The following ABLIM1 variants were observed in gnomAD, a reference collection of about 807,000 sequenced individuals.
ABLIM1 encodes actin-binding LIM protein 1.
In ABLIM1, 40 loss-of-function variants were observed where a neutral mutation model predicts 107.0. The ratio of observed to expected loss-of-function variants is 0.37; its 90% CI spans 0.29 to 0.49. ABLIM1 has a LOEUF of 0.49. Ranked by LOEUF, ABLIM1 falls within the 20% of genes least tolerant of loss-of-function variation. The pLI is 0.97. For missense variants in ABLIM1, 857 were observed against 1,008.5 expected (o/e 0.85, Z 2.04); for synonymous variants, 357 against 357.3 (o/e 1.00, Z 0.01).
At chr10:114,450,211 T>TAAA (rs397759195) in intron 14 of ABLIM1, 100 of 142,470 alleles carry the variant, frequency 7.0e-4, no homozygotes, top group South Asian at 2.7e-3. Context: ...CAATAAACCA[T>TAAA]AAAAAAAAAA....
chr10:114,512,917 A>C (rs1334867093), intron 6 of ABLIM1, among the ~76,000 whole-genome samples: 1 of 147,408 alleles, frequency 6.8e-6, no homozygotes, highest in Non-Finnish European at 1.5e-5. Context: ...GGAAAGAAAG[A>C]GAGAAAGAAA....
chr10:114,474,094 C>A, intron 8 of ABLIM1, 138 bp from the exon 9 acceptor site: 3 of 633,552 alleles, frequency 4.7e-6, no homozygotes, highest in South Asian at 2.2e-5. Context: ...AGGTAAAATA[C>A]AACCTAGAAG....
intron 1 of ABLIM1, among the ~76,000 whole-genome samples, chr10:114,729,044 AT>A (rs1032378038): frequency 4.6e-5 from 7 of 152,082 alleles, no homozygotes; most frequent in Admixed American, 2.0e-4. Context: ...CAACAGTAAC[AT>A]TTACTCTGCG....
At chr10:114,717,998 GGA>G (rs1477596713) in intron 1 of ABLIM1, among the ~76,000 whole-genome samples, 6 of 116,858 alleles carry the variant, frequency 5.1e-5, no homozygotes, top group Non-Finnish European at 8.7e-5. Context: ...AAGAAAGGAA[GGA>G]AGGAAGGAAG....
intron 1 of ABLIM1, chr10:114,684,219 T>C: frequency 6.7e-7 from 1 of 1,486,850 alleles, no homozygotes; most frequent in Middle Eastern, 1.8e-4. Flanking sequence ...CCCTGCATCT[T>C]TCCTCATCTT....
intron 4 of ABLIM1, among the ~76,000 whole-genome samples, chr10:114,560,914 G>T (rs1166240544): frequency 6.6e-6 from 1 of 152,176 alleles, no homozygotes; most frequent in Non-Finnish European, 1.5e-5. Flanking sequence ...ATGGGTACAG[G>T]AATTTTCTTT....
At chr10:114,751,192 A>G (rs557340568) in intron 1 of ABLIM1, among the ~76,000 whole-genome samples, 1 of 152,288 alleles carries the variant, frequency 6.6e-6, no homozygotes, top group South Asian at 2.1e-4. Flanking sequence ...TGTACCAGAA[A>G]CGTTAGGAGG....
intron 2 of ABLIM1, among the ~76,000 whole-genome samples, chr10:114,585,066 C>T (rs939448972): frequency 6.6e-6 from 1 of 151,888 alleles, no homozygotes; most frequent in South Asian, 2.1e-4. Context: ...AAGTCTTCTA[C>T]CATTGCACAG....
At chr10:114,761,438 G>T (rs543692766) in intron 1 of ABLIM1, among the ~76,000 whole-genome samples, 1 of 152,198 alleles carries the variant, frequency 6.6e-6, no homozygotes, top group East Asian at 1.9e-4. Context: ...CCAGGCTCTC[G>T]GCTCAGTCTG....
intron 6 of ABLIM1, among the ~76,000 whole-genome samples, chr10:114,503,001 T>C (rs1336899701): frequency 6.6e-6 from 1 of 152,220 alleles, no homozygotes; most frequent in African/African-American, 2.4e-5. Flanking sequence ...TTTCCATCAA[T>C]AGAAGCAAAT....
At chr10:114,751,590 A>G (rs1044389622) in intron 1 of ABLIM1, among the ~76,000 whole-genome samples, 9 of 151,982 alleles carry the variant, frequency 5.9e-5, no homozygotes, top group Admixed American at 2.0e-4. Flanking sequence ...TCTCTACTAA[A>G]AATACAAAAA....
intron 4 of ABLIM1, among the ~76,000 whole-genome samples, chr10:114,549,717 C>T (rs561015651): frequency 2.4e-4 from 36 of 152,222 alleles, no homozygotes; most frequent in Non-Finnish European, 3.8e-4. Context: ...CTATATGGAC[C>T]ATCAGTGAAG....
chr10:114,611,788 C>T (rs2076826546), intron 1 of ABLIM1, among the ~76,000 whole-genome samples: 1 of 152,152 alleles, frequency 6.6e-6, no homozygotes, highest in African/African-American at 2.4e-5. Context: ...TGGCTTGGTG[C>T]CTTTTCCTCC....
chr10:114,447,361 C>T (rs567406939), intron 15 of ABLIM1, among the ~76,000 whole-genome samples: 1 of 152,234 alleles, frequency 6.6e-6, no homozygotes, highest in South Asian at 2.1e-4. Context: ...TCTGCAATAG[C>T]CCTTTTGCAT....
chr10:114,521,284 C>G (rs1027679669), intron 6 of ABLIM1, among the ~76,000 whole-genome samples: 1 of 152,218 alleles, frequency 6.6e-6, no homozygotes, highest in Non-Finnish European at 1.5e-5. Context: ...CATCTGTACG[C>G]CTTTCGGCAA....
At chr10:114,482,628 C>T (rs1310419112) in intron 8 of ABLIM1, among the ~76,000 whole-genome samples, 1 of 152,190 alleles carries the variant, frequency 6.6e-6, no homozygotes, top group Non-Finnish European at 1.5e-5. Flanking sequence ...CCCATTTTCT[C>T]TGCCAGGTCC....
At chr10:114,714,575 T>C (rs192127493) in intron 1 of ABLIM1, among the ~76,000 whole-genome samples, 21 of 152,320 alleles carry the variant, frequency 1.4e-4, no homozygotes, top group Admixed American at 1.0e-3. Context: ...CCAATATCCA[T>C]GTGCTACCAA....
In ABLIM1 at chr10:114,644,280, C is replaced by CAAAAAA. The variant is rs1170954656; in HGVS notation, c.244+13671_244+13676dup. 3.4e-3 allele frequency among the ~76,000 whole-genome samples: 64 copies of CAAAAAA among 18,642 alleles called. 8 individuals are homozygous for CAAAAAA. Among genetic ancestry groups the CAAAAAA allele is most frequent in the Non-Finnish European group, 4.8e-3 (47 of 9,760 alleles). 12.2% of individuals were successfully genotyped at this position (18,642 alleles called of 152,430 possible). ...TGGGTGACAGAGTGAGACTCCATCT[C>CAAAAAA]AAAAAAAAAAAAAAAAAAAAAAAAA... is the stretch of plus-strand genomic sequence containing the variant. On this transcript the variant is annotated intron_variant, in intron 1 of 22. Coordinates refer to ENST00000533213, the MANE Select transcript of ABLIM1 (RefSeq NM_002313.7).
intron 4 of ABLIM1, among the ~76,000 whole-genome samples, chr10:114,568,516 C>G (rs2071150036): frequency 6.6e-6 from 1 of 152,196 alleles, no homozygotes; most frequent in Admixed American, 6.5e-5. Context: ...TAATTATGCT[C>G]CAATGAATTT....
Sources: allele counts gnomAD v4.1 joint callset (sites outside exome capture counted in the v4.1 genomes callset), GRCh38; gene constraint gnomAD v4.1.1; transcripts MANE v1.5; gene names NCBI Gene and HGNC (gene_info 2026-07-23, HGNC 2026-07-21).